Variants in ABCB11 observed in about 807,000 individuals in gnomAD.
The protein encoded by ABCB11 is ATP binding cassette subfamily B member 11.
ABCB11 carries 95 observed loss-of-function variants against 148.0 expected under a neutral mutation model. The ratio of observed to expected loss-of-function variants is 0.64; its 90% CI spans 0.54 to 0.76. The LOEUF is 0.76. ABCB11 is among the 30% of genes least tolerant of loss of function. The probability of loss-of-function intolerance (pLI) is 0.00; values close to 1 mark genes in which losing one functional copy is unlikely to be tolerated. For missense variants in ABCB11, 1,523 were observed against 1,617.8 expected, an observed-to-expected ratio of 0.94 and a Z score of 1.01; for synonymous variants, 591 against 555.4, an observed-to-expected ratio of 1.06 and a Z score of -0.90.
At chr2:168,942,293 C>A (rs907056077) in intron 21 of ABCB11, among the ~76,000 whole-genome samples, 1 of 151,678 alleles carries the variant, frequency 6.6e-6, no homozygotes, top group Non-Finnish European at 1.5e-5. Flanking sequence ...AGTATCCCCA[C>A]AATAGCAATC....
intron 3 of ABCB11, among the ~76,000 whole-genome samples, chr2:169,015,035 T>A (rs561938754): frequency 4.6e-5 from 7 of 152,224 alleles, no homozygotes; most frequent in Non-Finnish European, 1.0e-4. Context: ...ATTTTCTCGC[T>A]TCCTTCCTCC....
intron 18 of ABCB11, among the ~76,000 whole-genome samples, chr2:168,959,871 T>C (rs1457445180): frequency 7.2e-6 from 1 of 139,436 alleles, no homozygotes; most frequent in Non-Finnish European, 1.5e-5. Context: ...GCTATTGCTA[T>C]GAATAATAAA....
chr2:169,022,204 G>T (rs1229226518), intron 1 of ABCB11, among the ~76,000 whole-genome samples: 1 of 151,774 alleles, frequency 6.6e-6, no homozygotes, highest in Non-Finnish European at 1.5e-5. Flanking sequence ...AATGAATTAT[G>T]TTCTAATCAA....
chr2:168,934,200 T>C (rs534641933), intron 23 of ABCB11, among the ~76,000 whole-genome samples: 1 of 152,342 alleles, frequency 6.6e-6, no homozygotes, highest in South Asian at 2.1e-4. Flanking sequence ...CTAGTAGCTT[T>C]AAATATGCAA....
At chr2:168,927,126 C>G in intron 26 of ABCB11, 30 bp downstream of exon 26, 1 of 1,574,892 alleles carries the variant, frequency 6.3e-7, no homozygotes, top group Non-Finnish European at 8.7e-7. Context: ...CCTTGTCTCT[C>G]ATAGGGAATG....
At position 168,935,370 on chromosome 2, in the gene ABCB11, C is replaced by T; in HGVS notation, c.2870G>A (p.Arg957Lys). Residue 957 changes from arginine to lysine, a missense_variant, in exon 23 of 28, where the codon AGG becomes AAG. Arg to Lys is a conservative substitution (Grantham distance 26). Coordinates refer to ENST00000650372, the MANE Select transcript of ABCB11 (RefSeq NM_003742.4). ...IRTVAGIGKE[R>K]RFIEALETEL... The stretch of plus-strand genomic sequence containing the variant: ...AGTCTCAAGTGCTTCAATGAACCGC[C>T]TCTCCTTTCCAATTCCAGCAACAGT... 1 of 1,613,980 alleles carries T rather than the reference C, an allele frequency of 6.2e-7. No individual in the cohort carries two copies. The highest frequency in any genetic ancestry group is 1.6e-4 in the Middle Eastern group (1 of 6,062).
downstream of ABCB11, among the ~76,000 whole-genome samples, chr2:168,920,546 A>ATT (rs74268253): frequency 2.7e-5 from 4 of 147,390 alleles, no homozygotes; most frequent in African/African-American, 7.5e-5. Flanking sequence ...CAATCCTTCT[A>ATT]TTTTTTTTTT....
intron 12 of ABCB11, among the ~76,000 whole-genome samples, chr2:168,974,387 A>G (rs962815336): frequency 6.6e-6 from 1 of 151,962 alleles, no homozygotes; most frequent in African/African-American, 2.4e-5. Context: ...GCTGGCTAGT[A>G]GGTCTTGCGA....
At chr2:168,940,375 T>A (rs1007998508) in intron 21 of ABCB11, among the ~76,000 whole-genome samples, 7 of 152,226 alleles carry the variant, frequency 4.6e-5, no homozygotes, top group Admixed American at 2.6e-4. Flanking sequence ...CCAGCTTTAT[T>A]GATGATATGA....
At position 169,015,505 on chromosome 2, in the gene ABCB11, C is replaced by T. The variant is rs184797210; in HGVS notation, c.99-1151G>A. On this transcript the variant is annotated intron_variant, in intron 3 of 27. Coordinates refer to ENST00000650372, the MANE Select transcript of ABCB11 (RefSeq NM_003742.4). ...GGCCTCTTGCTGACCTTTGTCCATG[C>T]CCAACTGTTCCCACCTCTGGGTGCG... Among the ~76,000 whole-genome samples, 718 of 152,266 alleles carry T rather than the reference C, an allele frequency of 4.7e-3. 3 individuals carry two copies. The highest frequency in any genetic ancestry group is 0.014 in the Middle Eastern group (4 of 294).
At chr2:168,979,291 G>A (rs755829516) in intron 11 of ABCB11, among the ~76,000 whole-genome samples, 10 of 151,428 alleles carry the variant, frequency 6.6e-5, no homozygotes, top group Admixed American at 2.0e-4. Flanking sequence ...TACTTCCCAC[G>A]CCCCACCTCC....
At chr2:169,025,154 C>T (rs2106072782) in intron 1 of ABCB11, among the ~76,000 whole-genome samples, 1 of 151,894 alleles carries the variant, frequency 6.6e-6, no homozygotes, top group Admixed American at 6.6e-5. Context: ...TTATTTTTTC[C>T]CTTGGCTTAG....
rs1017537324 is a variant in ABCB11, at chr2:168,944,832, C to T, written c.2448+25G>A. 8 of 1,605,184 alleles carry T rather than the reference C, an allele frequency of 5.0e-6. No homozygotes were observed. The East Asian group carries it at 1.8e-4, about 36-fold the overall frequency. ...GAAAAAAGGAAAAATAACTAAATCA[C>T]TTACTGAAAAATAACATTTCTTACC... On this transcript the variant is annotated intron_variant, in intron 20 of 27. Transcript: ENST00000650372.
rs59489866 is a variant in ABCB11 at position 168,928,407 on chromosome 2, A to T, written c.3412-1045T>A. Among the ~76,000 whole-genome samples, 872 of 152,314 alleles carry T rather than the reference A, an allele frequency of 5.7e-3. 11 individuals carry two copies. Among genetic ancestry groups the T allele is most frequent in the African/African-American group, 0.02 (824 of 41,574 alleles). ...GTAACAGGCACATCATAGGTATCCA[A>T]ATAAATGTTGAAAATATTGAACGCC... On this transcript the variant is annotated intron_variant, in intron 25 of 27. Coordinates refer to ENST00000650372, the MANE Select transcript of ABCB11 (RefSeq NM_003742.4).
intron 19 of ABCB11, among the ~76,000 whole-genome samples, chr2:168,945,173 C>G (rs1311561564): frequency 6.6e-6 from 1 of 151,600 alleles, no homozygotes; most frequent in Non-Finnish European, 1.5e-5. Flanking sequence ...ATGTATCATT[C>G]TGGTGGGAGA....
chr2:168,956,171 A>G (rs1459076631), intron 19 of ABCB11, among the ~76,000 whole-genome samples: 1 of 151,574 alleles, frequency 6.6e-6, no homozygotes, highest in Non-Finnish European at 1.5e-5. Flanking sequence ...GAAGACTACA[A>G]AGTTTTAAAC....
At chr2:168,915,939 T>A (rs553025924), downstream of ABCB11, among the ~76,000 whole-genome samples, 1 of 152,206 alleles carries the variant, frequency 6.6e-6, no homozygotes, top group South Asian at 2.1e-4. Flanking sequence ...TAGTGACTTA[T>A]CACCTACATA....
At chr2:169,011,103 A>G (rs1362927511) in intron 5 of ABCB11, among the ~76,000 whole-genome samples, 1 of 152,204 alleles carries the variant, frequency 6.6e-6, no homozygotes, top group African/African-American at 2.4e-5. Context: ...AAGTAGATTC[A>G]TTCTTTAATT....
At chr2:168,985,405 C>T (rs1007264914) in intron 10 of ABCB11, among the ~76,000 whole-genome samples, 2 of 152,008 alleles carry the variant, frequency 1.3e-5, no homozygotes, top group African/African-American at 2.4e-5. Flanking sequence ...GGTATCTACC[C>T]AGAGGAAAAG....
Sources: gnomAD v4.1 joint callset for allele counts (sites outside exome capture counted in the v4.1 genomes callset) on GRCh38, gnomAD v4.1.1 for gene constraint, MANE v1.5 for transcripts, NCBI Gene and HGNC (gene_info 2026-07-23, HGNC 2026-07-21) for gene names.